Variants in GRXCR2 observed in about 807,000 individuals in gnomAD.
GRXCR2 encodes glutaredoxin domain-containing cysteine-rich protein 2.
A neutral mutation model predicts 24.8 loss-of-function variants in GRXCR2; 23 were observed. The ratio of observed to expected loss-of-function variants is 0.93; its 90% CI spans 0.67 to 1.32. The LOEUF is 1.32. Ranked by LOEUF, GRXCR2 falls within the 40% of genes most tolerant of loss-of-function variation. The pLI is 0.00. For missense variants in GRXCR2, 315 were observed against 303.4 expected, an observed-to-expected ratio of 1.04 and a Z score of -0.28; for synonymous variants, 130 against 116.1, an observed-to-expected ratio of 1.12 and a Z score of -0.77.
At chr5:145,908,007 G>C (rs1757114308) in intron 2 of GRXCR2, among the ~76,000 whole-genome samples, 1 of 152,266 alleles carries the variant, frequency 6.6e-6, no homozygotes, top group South Asian at 2.1e-4. Flanking sequence ...GACTGCAGCT[G>C]TAAGTCTGCA....
chr5:145,872,086 C>T lies in GRXCR2; in HGVS notation c.336+547G>A, dbSNP rs751062495. ...CATAACATATCCTCTGGCTGATTTG[C>T]GTTTCACCATCCCTTCCCAGGACTC... On this transcript the variant is annotated intron_variant, in intron 1 of 2. Coordinates refer to ENST00000377976, the MANE Select transcript of GRXCR2 (RefSeq NM_001080516.2). Among the ~76,000 whole-genome samples, 7 of 152,172 alleles carry T rather than the reference C, an allele frequency of 4.6e-5. 1 individual carries two copies. In the East Asian group the frequency reaches 1.3e-3, roughly 29 times the overall value.
chr5:145,911,849 G>C (rs948416531), intron 2 of GRXCR2, among the ~76,000 whole-genome samples: 1 of 152,174 alleles, frequency 6.6e-6, no homozygotes, highest in Non-Finnish European at 1.5e-5. Flanking sequence ...AACAGTTTGG[G>C]AAGCCAATTT....
At position 145,902,924 on chromosome 5, in the gene GRXCR2, G is replaced by A. The variant is rs552318443; in HGVS notation, c.-70+32777C>T. On this transcript the variant is annotated intron_variant, in intron 2 of 3. Coordinates refer to the GRXCR2 transcript ENST00000639411. ...CCCCCAAGGTCACAAAGGCATAAGCGACTGAACTTGGATTTGCACTTAGAC... is the reference window on the plus strand; with the variant it reads ...CCCCCAAGGTCACAAAGGCATAAGCAACTGAACTTGGATTTGCACTTAGAC... 5.9e-5 allele frequency among the ~76,000 whole-genome samples: 9 copies of A among 152,300 alleles called. No individual in the cohort carries two copies. In the East Asian group the frequency reaches 1.5e-3, roughly 26 times the overall value.
rs116748411 is a variant in GRXCR2 at position 145,905,491 on chromosome 5, C to G, written c.-70+30210G>C. On this transcript the variant is annotated intron_variant, in intron 2 of 3. Coordinates refer to the GRXCR2 transcript ENST00000639411. ...TATGTACACAATATATTTTAACTGC[C>G]TGTATGGTGTAGAGGGGATGCCTAA... is the stretch of plus-strand genomic sequence containing the variant. Among the ~76,000 whole-genome samples, 6 of 152,214 alleles carry G rather than the reference C, an allele frequency of 3.9e-5. No individual in the cohort carries two copies. The East Asian group carries it at 1.2e-3, about 29-fold the overall frequency.
intron 2 of GRXCR2, among the ~76,000 whole-genome samples, chr5:145,929,106 A>T: frequency 6.7e-6 from 1 of 150,340 alleles, no homozygotes; most frequent in Non-Finnish European, 1.5e-5. Context: ...CTGAACTCAT[A>T]TAACTTAAGT....
intron 2 of GRXCR2, among the ~76,000 whole-genome samples, chr5:145,889,175 A>AGAAAGAAAGAAAGAAG (rs1756822216): frequency 1.2e-5 from 1 of 83,570 alleles, no homozygotes; most frequent in Admixed American, 1.1e-4. Flanking sequence ...TCTCAAAAAA[A>AGAAAGAAAGAAAGAAG]GAAAGAAAGA....
At chr5:145,881,380 C>A (rs935505060) in intron 2 of GRXCR2, among the ~76,000 whole-genome samples, 5 of 152,150 alleles carry the variant, frequency 3.3e-5, no homozygotes, top group Non-Finnish European at 5.9e-5. Flanking sequence ...TTCTTATACA[C>A]CAATAACAGA....
chr5:145,927,243 T>C, intron 2 of GRXCR2, among the ~76,000 whole-genome samples: 1 of 152,208 alleles, frequency 6.6e-6, no homozygotes, highest in Non-Finnish European at 1.5e-5. Context: ...CTAATTGCCC[T>C]GGCGAGAACT....
chr5:145,921,220 T>C (rs1757316817), intron 2 of GRXCR2, among the ~76,000 whole-genome samples: 1 of 152,236 alleles, frequency 6.6e-6, no homozygotes, highest in South Asian at 2.1e-4. Flanking sequence ...ATTTAAATCC[T>C]GTTTAGTCTG....
chr5:145,900,784 A>T (rs1221686257), intron 2 of GRXCR2, among the ~76,000 whole-genome samples: 1 of 152,190 alleles, frequency 6.6e-6, no homozygotes, highest in African/African-American at 2.4e-5. Flanking sequence ...CAATCCCATC[A>T]CTGGGTATAT....
At chr5:145,918,237 A>G (rs1218729175) in intron 2 of GRXCR2, among the ~76,000 whole-genome samples, 1 of 152,178 alleles carries the variant, frequency 6.6e-6, no homozygotes, top group Non-Finnish European at 1.5e-5. Context: ...AACTTACAAA[A>G]CATTTTCATG....
At chr5:145,926,894 T>C (rs964569664) in intron 2 of GRXCR2, among the ~76,000 whole-genome samples, 1 of 152,164 alleles carries the variant, frequency 6.6e-6, no homozygotes, top group Non-Finnish European at 1.5e-5. Context: ...TGTATCCTCT[T>C]TTATTTCCTT....
chr5:145,886,022 G>T (rs1371820145), intron 2 of GRXCR2, among the ~76,000 whole-genome samples: 1 of 152,208 alleles, frequency 6.6e-6, no homozygotes, highest in Non-Finnish European at 1.5e-5. Flanking sequence ...CATCATTAAT[G>T]CTTCTATCTC....
At chr5:145,888,352 C>T (rs1245449744) in intron 2 of GRXCR2, among the ~76,000 whole-genome samples, 5 of 152,156 alleles carry the variant, frequency 3.3e-5, no homozygotes, top group Non-Finnish European at 5.9e-5. Context: ...ACAATGTAAG[C>T]CTTCTCCCAA....
At chr5:145,908,292 A>G (rs1335390730) in intron 2 of GRXCR2, among the ~76,000 whole-genome samples, 2 of 152,230 alleles carry the variant, frequency 1.3e-5, no homozygotes, top group South Asian at 4.1e-4. Flanking sequence ...ACCATGTACA[A>G]GAAAATAAAA....
intron 2 of GRXCR2, among the ~76,000 whole-genome samples, chr5:145,898,943 T>C (rs866920364): frequency 3.9e-5 from 6 of 152,170 alleles, no homozygotes; most frequent in African/African-American, 1.2e-4. Flanking sequence ...ATAAAAGGCA[T>C]CGAAATAGGA....
At chr5:145,878,299 A>G (rs1756648512) in intron 2 of GRXCR2, among the ~76,000 whole-genome samples, 1 of 152,192 alleles carries the variant, frequency 6.6e-6, no homozygotes, top group Non-Finnish European at 1.5e-5. Flanking sequence ...AAAACCTTGA[A>G]AAAAGGTTAG....
At chr5:145,923,978 A>G (rs923216063) in intron 2 of GRXCR2, among the ~76,000 whole-genome samples, 1 of 152,088 alleles carries the variant, frequency 6.6e-6, no homozygotes, top group African/African-American at 2.4e-5. Flanking sequence ...AGAATTACTG[A>G]GTGAAATGGA....
At chr5:145,911,730 T>C (rs1251455437) in intron 2 of GRXCR2, among the ~76,000 whole-genome samples, 2 of 152,158 alleles carry the variant, frequency 1.3e-5, no homozygotes, top group Non-Finnish European at 2.9e-5. Context: ...ACACATAGAA[T>C]GTATTCTACT....
Sources: gnomAD v4.1 joint callset for allele counts (sites outside exome capture counted in the v4.1 genomes callset) on GRCh38, gnomAD v4.1.1 for gene constraint, MANE v1.5 for transcripts, NCBI Gene and HGNC (gene_info 2026-07-23, HGNC 2026-07-21) for gene names.